Variants in CNGB1 observed in about 807,000 individuals in gnomAD.
CNGB1 encodes the protein cyclic nucleotide-gated channel beta-1.
A neutral mutation model predicts 151.7 loss-of-function variants in CNGB1; 126 were observed. That is an observed-to-expected ratio of 0.83 (90% confidence interval 0.72 to 0.96). The LOEUF is 0.96. Among genes scored for constraint, CNGB1 ranks in the 40% least tolerant of loss-of-function variants. CNGB1 has a pLI of 0.00. For missense variants in CNGB1, 1,698 were observed against 1,627.0 expected (o/e 1.04, Z -0.75); for synonymous variants, 623 against 635.1 (o/e 0.98, Z 0.29).
intron 12 of CNGB1, among the ~76,000 whole-genome samples, chr16:57,951,227 T>A (rs1201382173): frequency 1.3e-5 from 2 of 152,118 alleles, no homozygotes; most frequent in Non-Finnish European, 2.9e-5. Flanking sequence ...TGCAGAGCAG[T>A]CTCATCAGGA....
intron 21 of CNGB1, 115 bp downstream of exon 21, chr16:57,917,153 G>A: frequency 1.1e-6 from 1 of 884,406 alleles, no homozygotes; most frequent in South Asian, 1.4e-5. Context: ...CCGTTCTTGA[G>A]ATTTCCTTAT....
chr16:57,950,791 A>G (rs1175924738), intron 12 of CNGB1, among the ~76,000 whole-genome samples: 1 of 152,148 alleles, frequency 6.6e-6, no homozygotes, highest in Non-Finnish European at 1.5e-5. Flanking sequence ...CAGAGCTTTG[A>G]TTATGGTTGA....
At position 57,960,891 on chromosome 16, in the gene CNGB1, C is replaced by T. The variant is rs776433637; in HGVS notation, c.483G>A (p.Trp161Ter). ...GCACTCTTTCCAGATTCTGCTCCAG[C>T]CACAGAAGCAGCCGCAGCCCAGGCC... ...DTRPGLRLLL[W>*]LEQNLERVLP... The change falls in exon 8 of 33, where the codon TGG becomes TGA. Residue 161 changes from tryptophan to a stop codon, truncating the protein, a stop_gained. Transcript: ENST00000251102. LOFTEE classifies it high-confidence loss of function. The T allele has an allele frequency of 1.2e-6, 2 of 1,614,170 alleles. No individual in the cohort carries two copies. The highest frequency in any genetic ancestry group is 3.3e-5 in the Admixed American group (2 of 60,030).
chr16:57,955,258 C>T (rs952494580), intron 12 of CNGB1: 15 of 1,547,988 alleles, frequency 9.7e-6, no homozygotes, highest in South Asian at 2.4e-5. Context: ...CCACCTCCCC[C>T]GGGAAGGTCT....
rs547102677 is a variant in CNGB1, at chr16:57,959,712, T to C, written c.761+176A>G. Among the ~76,000 whole-genome samples the C allele has an allele frequency of 3.9e-5, 6 of 152,340 alleles. No homozygotes were observed. The South Asian group carries it at 1.2e-3, about 32-fold the overall frequency. On this transcript the variant is annotated intron_variant, in intron 10 of 32. Transcript: ENST00000251102. ...AGAAAAGTACCCAAAGCTTGAAAGC[T>C]TGGACGTGCATAGAAAATGTGGGAA...
Position 57,920,448 on chromosome 16 carries a change from C to T in CNGB1, c.1740G>A (p.Glu580=). 6.2e-7 allele frequency: 1 copy of T among 1,614,218 alleles called. No homozygotes were observed. The highest frequency in any genetic ancestry group is 1.1e-5 in the South Asian group (1 of 91,088). ...GGTCAATGAGTTTCTCCTTCACTTT[C>T]TCTGTCCGCTCCTTGAAGAGCTTCA... The part of the protein sequence containing the change: ...ELVKLFKERT[E]KVKEKLIDPD... Residue 580 remains glutamate (E), a synonymous_variant, in exon 19 of 33, where the codon GAG becomes GAA. Coordinates refer to ENST00000251102, the MANE Select transcript of CNGB1 (RefSeq NM_001297.5).
chr16:57,886,655 T>G (rs946330826), intron 32 of CNGB1, among the ~76,000 whole-genome samples: 2 of 152,154 alleles, frequency 1.3e-5, no homozygotes, highest in African/African-American at 4.8e-5. Context: ...CTGTGTAGAC[T>G]GTTAAGCCCA....
chr16:57,938,718 C>T (rs1336025862), intron 16 of CNGB1, among the ~76,000 whole-genome samples: 7 of 152,152 alleles, frequency 4.6e-5, no homozygotes, highest in Admixed American at 1.3e-4. Context: ...CCTCACAGAG[C>T]GGCTGAAGAC....
chr16:57,952,610 C>T (rs747587574), intron 12 of CNGB1, among the ~76,000 whole-genome samples: 1 of 142,682 alleles, frequency 7.0e-6, no homozygotes. Flanking sequence ...AAGCAATTCT[C>T]GTGCCTCAGC....
In CNGB1 at chr16:57,939,423, C is replaced by T. The variant is rs1961602619; in HGVS notation, c.1372+7G>A. ...GCGCAACCCATCACCACCACCACCA[C>T]ACCTACCTCCTGAACTGGCAGCCTC... On this transcript the variant is annotated splice_region_variant and intron_variant, in intron 16 of 32. Transcript: ENST00000251102. 1 of 1,614,080 alleles carries T rather than the reference C, an allele frequency of 6.2e-7. No homozygotes were observed. Among genetic ancestry groups the T allele is most frequent in the Non-Finnish European group, 8.5e-7 (1 of 1,180,010 alleles).
chr16:57,916,190 G>C lies in CNGB1; in HGVS notation c.2167-11C>G. ...GTCCTTTTTGTCCGTCTGAAAGAAA[G>C]GGAATGATGATGGTGAAATGACCTT... On this transcript the variant is annotated splice_polypyrimidine_tract_variant and intron_variant, in intron 21 of 32. Coordinates refer to ENST00000251102, the MANE Select transcript of CNGB1 (RefSeq NM_001297.5). The C allele has an allele frequency of 6.2e-7, 1 of 1,612,800 alleles. No individual in the cohort carries two copies. Among genetic ancestry groups the C allele is most frequent in the Non-Finnish European group, 8.5e-7 (1 of 1,178,778 alleles).
intron 25 of CNGB1, among the ~76,000 whole-genome samples, 179 bp from the exon 26 acceptor site, chr16:57,905,054 G>C (rs531730916): frequency 7.8e-4 from 118 of 150,692 alleles, no homozygotes; most frequent in Non-Finnish European, 1.3e-3. Flanking sequence ...CGTTTGCAGA[G>C]CAGGTTCACA....
chr16:57,912,286 A>C (rs1461012015), intron 24 of CNGB1, among the ~76,000 whole-genome samples: 1 of 151,926 alleles, frequency 6.6e-6, no homozygotes, highest in Non-Finnish European at 1.5e-5. Context: ...GCCACCTTAC[A>C]CCTGTTCCCA....
chr16:57,960,012 G>A lies in CNGB1; in HGVS notation c.637C>T (p.Pro213Ser), dbSNP rs1178418910. Residue 213 changes from proline to serine, a missense_variant, in exon 10 of 33, where the codon CCC becomes TCC. By Grantham distance (74) the Pro-to-Ser change is moderately conservative. Coordinates refer to ENST00000251102, the MANE Select transcript of CNGB1 (RefSeq NM_001297.5). Reference sequence around the variant, plus strand: ...AGGGGGATGGGTGTGGGCAGGGAGGGGGTCTCCCGGGCCTGCAGCTTGGGC... The same window carrying A: ...AGGGGGATGGGTGTGGGCAGGGAGGAGGTCTCCCGGGCCTGCAGCTTGGGC... Reference protein sequence around the residue: ...MGPKLQARETPSLPTPIPLQP... With the variant: ...MGPKLQARETSSLPTPIPLQP... The A allele has an allele frequency of 6.3e-7, 1 of 1,578,294 alleles. No individual in the cohort carries two copies. Among genetic ancestry groups the A allele is most frequent in the Non-Finnish European group, 8.6e-7 (1 of 1,164,016 alleles).
intron 13 of CNGB1, among the ~76,000 whole-genome samples, chr16:57,949,731 G>A (rs1961902508): frequency 6.6e-6 from 1 of 152,074 alleles, no homozygotes; most frequent in Non-Finnish European, 1.5e-5. Flanking sequence ...TAAGTTATGG[G>A]CTTCAGAACC....
At position 57,887,933 on chromosome 16, in the gene CNGB1, T is replaced by G. The variant is rs981771347; in HGVS notation, c.3384A>C (p.Lys1128Asn). The G allele has an allele frequency of 3.1e-6, 5 of 1,614,082 alleles. No individual in the cohort carries two copies. The African/African-American group carries it at 6.7e-5, about 22-fold the overall frequency. Residue 1128 changes from lysine (K) to asparagine (N), a missense_variant, in exon 32 of 33, where the codon AAA becomes AAC. By Grantham distance (94) the Lys-to-Asn change is moderately conservative. Coordinates refer to ENST00000251102, the MANE Select transcript of CNGB1 (RefSeq NM_001297.5). ...KMGGKGAKGG[K>N]LAHLRARLKE... ...TGAGCCGGGCCCGGAGGTGAGCAAG[T>G]TTGCCGCCTTTTGCCCCCTTGCCAC...
intron 29 of CNGB1, among the ~76,000 whole-genome samples, chr16:57,899,663 T>A (rs144132805): frequency 3.5e-5 from 5 of 142,856 alleles, no homozygotes; most frequent in Non-Finnish European, 7.9e-5. Flanking sequence ...AACAAACAAA[T>A]AAATAAATAA....
rs1451665764 is a variant in CNGB1, at chr16:57,958,411, T to G, written c.836A>C (p.Gln279Pro). ...CCACTCCATGAGCCCAGCACTGACCTGTTCCCCTATTTTCCCATGTAGCAC... is the reference window on the plus strand; with the variant it reads ...CCACTCCATGAGCCCAGCACTGACCGGTTCCCCTATTTTCCCATGTAGCAC... ...QPVLHGKIGE[Q>P]EPDSPGICDV... The change falls in exon 11 of 33, where the codon CAG (glutamine) becomes CCG (proline). Residue 279 changes from glutamine (Q) to proline (P), a missense_variant and splice_region_variant. Coordinates refer to ENST00000251102, the MANE Select transcript of CNGB1 (RefSeq NM_001297.5). The G allele has an allele frequency of 6.3e-7, 1 of 1,577,248 alleles. No homozygotes were observed. Among genetic ancestry groups the G allele is most frequent in the Admixed American group, 1.7e-5 (1 of 57,950 alleles).
rs765545643 is a variant in CNGB1 at position 57,950,413 on chromosome 16, T to C, written c.1002A>G (p.Glu334=). Residue 334 remains glutamate (E), a synonymous_variant, in exon 13 of 33, where the codon GAA becomes GAG. Transcript: ENST00000251102. ...TCTTCTCCACAGCTTTGTTCTCTTC[T>C]TCATAAGCTGGAACCACCTCTGTAC... The part of the protein sequence containing the change: ...PQGTEVVPAY[E]EENKAVEKMP... 1.2e-6 allele frequency: 2 copies of C among 1,614,242 alleles called. No homozygotes were observed. Among genetic ancestry groups the C allele is most frequent in the South Asian group, 1.1e-5 (1 of 91,090 alleles).
Sources: allele counts gnomAD v4.1 joint callset (sites outside exome capture counted in the v4.1 genomes callset), GRCh38; gene constraint gnomAD v4.1.1; transcripts MANE v1.5; gene names NCBI Gene and HGNC (gene_info 2026-07-23, HGNC 2026-07-21).